SLC22A4: variants seen among roughly 807,000 people sequenced by gnomAD.
SLC22A4 encodes the protein ET transporter.
In SLC22A4, 39 loss-of-function variants were observed where a neutral mutation model predicts 56.6. That is an observed-to-expected ratio of 0.69 (90% confidence interval 0.53 to 0.90). SLC22A4 has a LOEUF of 0.90. Ranked by LOEUF, SLC22A4 falls within the 40% of genes least tolerant of loss-of-function variation. The probability of loss-of-function intolerance (pLI) is 0.00; values close to 1 mark genes in which losing one functional copy is unlikely to be tolerated. For missense variants in SLC22A4, 594 were observed against 696.5 expected, an observed-to-expected ratio of 0.85 and a Z score of 1.66; for synonymous variants, 241 against 281.4, an observed-to-expected ratio of 0.86 and a Z score of 1.44.
intron 1 of SLC22A4, among the ~76,000 whole-genome samples, chr5:132,309,552 AC>A (rs1750128519): frequency 6.6e-6 from 1 of 150,904 alleles, no homozygotes; most frequent in Admixed American, 6.6e-5. Flanking sequence ...CCCTCACCTC[AC>A]CCCCCTTCCC....
chr5:132,322,766 A>AG (rs1248835499), intron 4 of SLC22A4, among the ~76,000 whole-genome samples: 1 of 152,246 alleles, frequency 6.6e-6, no homozygotes, highest in Non-Finnish European at 1.5e-5. Flanking sequence ...CATCTATGAA[A>AG]GGGAAGCCTA....
chr5:132,336,302 T>C (rs777226305), intron 8 of SLC22A4, among the ~76,000 whole-genome samples: 1 of 152,140 alleles, frequency 6.6e-6, no homozygotes, highest in Non-Finnish European at 1.5e-5. Flanking sequence ...GGTAGGTGGA[T>C]CACCTGAGGC....
intron 6 of SLC22A4, among the ~76,000 whole-genome samples, chr5:132,332,730 GCACACACACACACACACA>G (rs3840351): frequency 4.1e-5 from 6 of 145,742 alleles, no homozygotes; most frequent in African/African-American, 1.5e-4. Context: ...TATGATGGCA[GCACACACACACACACACA>G]CACACACACA....
chr5:132,298,751 C>G (rs1420867768), intron 1 of SLC22A4, among the ~76,000 whole-genome samples: 1 of 152,192 alleles, frequency 6.6e-6, no homozygotes, highest in Non-Finnish European at 1.5e-5. Flanking sequence ...AGTGTGGCAC[C>G]AGCAAATGGG....
intron 4 of SLC22A4, among the ~76,000 whole-genome samples, chr5:132,323,966 G>T (rs1368706208): frequency 2.6e-5 from 4 of 152,166 alleles, no homozygotes; most frequent in Non-Finnish European, 5.9e-5. Context: ...GCCAAGGTGG[G>T]AGGATCACTT....
At chr5:132,328,918 TATATATATATATACAC>T (rs757957407) in intron 5 of SLC22A4, among the ~76,000 whole-genome samples, 1 of 40,158 alleles carries the variant, frequency 2.5e-5, no homozygotes, top group African/African-American at 9.0e-5. Context: ...TATATATATA[TATATATATATATACAC>T]ACACACACTT....
intron 1 of SLC22A4, among the ~76,000 whole-genome samples, chr5:132,296,524 G>A (rs890079691): frequency 7.2e-5 from 11 of 152,360 alleles, no homozygotes; most frequent in African/African-American, 1.2e-4. Context: ...GGTGGTTGTC[G>A]AATCTGTGGC....
At chr5:132,338,729 T>C (rs1751106147) in intron 8 of SLC22A4, among the ~76,000 whole-genome samples, 1 of 152,264 alleles carries the variant, frequency 6.6e-6, no homozygotes, top group African/African-American at 2.4e-5. Flanking sequence ...TCTGCCCGAC[T>C]CACCAGCGGT....
intron 4 of SLC22A4, chr5:132,324,664 C>T (rs1750639505): frequency 2.2e-6 from 1 of 453,448 alleles, no homozygotes; most frequent in Non-Finnish European, 4.6e-6. Flanking sequence ...CAAAGGGATG[C>T]TCATCAGTCT....
chr5:132,317,883 A>G (rs1017543629), intron 3 of SLC22A4, among the ~76,000 whole-genome samples: 3 of 152,254 alleles, frequency 2.0e-5, no homozygotes, highest in Non-Finnish European at 2.9e-5. Flanking sequence ...ATACGTAAAC[A>G]TGATGCAGAA....
At chr5:132,299,036 C>A (rs1473310290) in intron 1 of SLC22A4, among the ~76,000 whole-genome samples, 1 of 152,242 alleles carries the variant, frequency 6.6e-6, no homozygotes, top group African/African-American at 2.4e-5. Flanking sequence ...TTCTCTGCAT[C>A]CCAGTTGGCA....
chr5:132,331,602 A>G (rs1750861068), intron 5 of SLC22A4, among the ~76,000 whole-genome samples, 154 bp from the exon 6 acceptor site: 1 of 152,208 alleles, frequency 6.6e-6, no homozygotes, highest in African/African-American at 2.4e-5. Flanking sequence ...AGTGTCATAT[A>G]TGTAGATGCC....
At chr5:132,326,390 C>A (rs1342561181) in intron 4 of SLC22A4, among the ~76,000 whole-genome samples, 1 of 152,170 alleles carries the variant, frequency 6.6e-6, no homozygotes, top group Non-Finnish European at 1.5e-5. Context: ...AAGTGAACAA[C>A]AGAATGGCTG....
chr5:132,295,060 G>A (rs779069689), intron 1 of SLC22A4, 51 bp downstream of exon 1: 2 of 1,564,494 alleles, frequency 1.3e-6, no homozygotes, highest in South Asian at 2.3e-5. Context: ...CCCTCCCTCT[G>A]CGTCAGCCCC....
At position 132,299,151 on chromosome 5, in the gene SLC22A4, C is replaced by G. The variant is rs142327708; in HGVS notation, c.393+4142C>G. On this transcript the variant is annotated intron_variant, in intron 1 of 9. Coordinates refer to ENST00000200652, the MANE Select transcript of SLC22A4 (RefSeq NM_003059.3). ...TTGGGGACAGACAAGTCTGCCTGAA[C>G]TGCCCCCCAACACCTCTTCACAGGA... Among the ~76,000 whole-genome samples, 126 of 152,328 alleles carry G rather than the reference C, an allele frequency of 8.3e-4. 2 individuals are homozygous for G. In the East Asian group the frequency reaches 0.019, roughly 23 times the overall value.
At chr5:132,337,886 C>T (rs1482198928) in intron 8 of SLC22A4, among the ~76,000 whole-genome samples, 1 of 146,980 alleles carries the variant, frequency 6.8e-6, no homozygotes, top group Non-Finnish European at 1.5e-5. Context: ...CAGGCGCATG[C>T]CACCATGTCC....
intron 1 of SLC22A4, among the ~76,000 whole-genome samples, chr5:132,308,786 G>A (rs2126707246): frequency 6.6e-6 from 1 of 152,298 alleles, no homozygotes; most frequent in Non-Finnish European, 1.5e-5. Context: ...AGTAACCCCG[G>A]GAGGCCCCAT....
At chr5:132,306,732 C>T (rs1402905432) in intron 1 of SLC22A4, among the ~76,000 whole-genome samples, 2 of 151,914 alleles carry the variant, frequency 1.3e-5, no homozygotes, top group African/African-American at 4.8e-5. Flanking sequence ...AGGTGTGACC[C>T]ACCGCACCCA....
At chr5:132,336,118 C>T (rs1024921963) in intron 8 of SLC22A4, 118 bp downstream of exon 8, 1 of 1,016,364 alleles carries the variant, frequency 9.8e-7, no homozygotes, top group African/African-American at 1.6e-5. Flanking sequence ...TACAAGTTCA[C>T]CTCTCCTCTC....
Sources: gnomAD v4.1 joint callset for allele counts (sites outside exome capture counted in the v4.1 genomes callset) on GRCh38, gnomAD v4.1.1 for gene constraint, MANE v1.5 for transcripts, NCBI Gene and HGNC (gene_info 2026-07-23, HGNC 2026-07-21) for gene names.